The following ANXA4 variants were observed in gnomAD, a reference collection of about 807,000 sequenced individuals.
The protein encoded by ANXA4 is 35-beta calcimedin.
In ANXA4, 39 loss-of-function variants were observed where a neutral mutation model predicts 49.8. That is an observed-to-expected ratio of 0.78 (90% CI 0.61 to 1.02). ANXA4 has a LOEUF of 1.02. Ranked by LOEUF, ANXA4 falls within the 50% of genes least tolerant of loss-of-function variation. The pLI is 0.00. For missense variants in ANXA4, 360 were observed against 410.1 expected (o/e 0.88, Z 1.05); for synonymous variants, 134 against 152.5 (o/e 0.88, Z 0.89).
chr2:69,666,145 A>G (rs1167122809), intron 2 of ANXA4, among the ~76,000 whole-genome samples: 3 of 152,218 alleles, frequency 2.0e-5, no homozygotes, highest in Non-Finnish European at 2.9e-5. Context: ...CAGAGGTTGC[A>G]GTGAGCCAAG....
intron 3 of ANXA4, among the ~76,000 whole-genome samples, chr2:69,791,596 C>T (rs1036175400): frequency 2.6e-5 from 4 of 152,088 alleles, no homozygotes; most frequent in East Asian, 1.9e-4. Context: ...AAGGATTAGC[C>T]GTGTTCTAAG....
rs142551244 is a variant in ANXA4, at chr2:69,806,471, C to T, written c.279C>T (p.Asp93=). The part of the protein sequence containing the change: ...VGMMTPTVLY[D]VQELRRAMKG... Reference sequence around the variant, plus strand: ...TGATGACGCCCACGGTGCTGTATGACGTGCAAGAGCTGCGAAGGGCCATGA... The same window carrying T: ...TGATGACGCCCACGGTGCTGTATGATGTGCAAGAGCTGCGAAGGGCCATGA... The change falls in exon 5 of 13, where the codon GAC becomes GAT. Residue 93 remains aspartate (D), a synonymous_variant. Transcript: ENST00000394295. 333 of 1,614,114 alleles carry T rather than the reference C, an allele frequency of 2.1e-4. 1 individual carries two copies. The Middle Eastern group carries it at 3.3e-3, about 16-fold the overall frequency.
intron 1 of ANXA4, among the ~76,000 whole-genome samples, chr2:69,773,513 T>C (rs1372681791): frequency 6.6e-6 from 1 of 152,106 alleles, no homozygotes; most frequent in Non-Finnish European, 1.5e-5. Flanking sequence ...GACCAAGGAC[T>C]GGCTAAGATC....
At chr2:69,676,479 G>A (rs1441394037) in intron 2 of ANXA4, among the ~76,000 whole-genome samples, 1 of 152,096 alleles carries the variant, frequency 6.6e-6, no homozygotes, top group East Asian at 1.9e-4. Flanking sequence ...ATGTTATATT[G>A]TATTTGAATT....
chr2:69,651,308 T>C (rs564393663), intron 1 of ANXA4, among the ~76,000 whole-genome samples: 92 of 152,234 alleles, frequency 6.0e-4, no homozygotes, highest in African/African-American at 2.2e-3. Flanking sequence ...GAACTTGAGG[T>C]TGCAGTAAAC....
chr2:69,656,247 A>G (rs896448056), intron 2 of ANXA4, among the ~76,000 whole-genome samples: 8 of 125,318 alleles, frequency 6.4e-5, no homozygotes, highest in Admixed American at 4.2e-4. Flanking sequence ...ATACGTATAT[A>G]TATGTATATA....
intron 1 of ANXA4, among the ~76,000 whole-genome samples, chr2:69,743,753 C>G (rs1480663285): frequency 2.6e-5 from 4 of 152,182 alleles, no homozygotes; most frequent in Admixed American, 2.6e-4. Flanking sequence ...CAGGCACAGA[C>G]ACACAACTAC....
chr2:69,753,255 C>T (rs112987875), intron 1 of ANXA4, among the ~76,000 whole-genome samples: 16 of 152,064 alleles, frequency 1.1e-4, no homozygotes, highest in South Asian at 2.1e-4. Flanking sequence ...GCACACATAG[C>T]GAGTGGCAGT....
In ANXA4 at chr2:69,714,339, C is replaced by T. The variant is rs182209669; in HGVS notation, n.767-6435C>T. On this transcript the variant is annotated intron_variant and non_coding_transcript_variant, in intron 2 of 3. Transcript: ENST00000418066. ...CAGTTTCCGGAAGGGAGGAAGGATGCGGTGAGGACCAAATGCATCCATGCA... is the reference window on the plus strand; with the variant it reads ...CAGTTTCCGGAAGGGAGGAAGGATGTGGTGAGGACCAAATGCATCCATGCA... Among the ~76,000 whole-genome samples, 168 of 142,174 alleles carry T rather than the reference C, an allele frequency of 1.2e-3. 1 individual carries two copies. Among genetic ancestry groups the T allele is most frequent in the South Asian group, 3.6e-3 (14 of 3,838 alleles). 93.3% of individuals were successfully genotyped at this position (142,174 alleles called of 152,430 possible).
At chr2:69,799,304 C>T (rs950223406) in intron 3 of ANXA4, among the ~76,000 whole-genome samples, 1 of 152,020 alleles carries the variant, frequency 6.6e-6, no homozygotes, top group African/African-American at 2.4e-5. Context: ...TCTTAGTGCA[C>T]CTAAAGGGAA....
chr2:69,742,352 G>A (rs1670429690), intron 1 of ANXA4, among the ~76,000 whole-genome samples, 177 bp downstream of exon 1: 1 of 152,138 alleles, frequency 6.6e-6, no homozygotes, highest in Non-Finnish European at 1.5e-5. Flanking sequence ...GCGGGCCCTG[G>A]ACTCGCTCCG....
At position 69,781,281 on chromosome 2, in the gene ANXA4, T is replaced by A. The variant is rs1197698055; in HGVS notation, c.-46-239T>A. ...ATAGGAATCCTTTCTGTAGTGTGTA[T>A]CTCCAAACAGAAGAACAGGTGGGAA... On this transcript the variant is annotated intron_variant, in intron 1 of 12. Coordinates refer to ENST00000394295, the MANE Select transcript of ANXA4 (RefSeq NM_001153.5). 11 of 561,154 alleles carry A rather than the reference T, an allele frequency of 2.0e-5. No individual in the cohort carries two copies. The East Asian group carries it at 3.3e-4, about 17-fold the overall frequency. The allele number at this position is 561,154 out of a possible 1,614,324, so 34.8% of individuals were successfully genotyped here. A position where few individuals can be genotyped will look rare whatever the true frequency, so the allele number is the denominator to read the frequency against.
intron 1 of ANXA4, among the ~76,000 whole-genome samples, chr2:69,765,075 T>TAC (rs61370033): frequency 0.024 from 3,528 of 150,060 alleles, 55 homozygotes; most frequent in East Asian, 0.086. Flanking sequence ...TATATGTGTA[T>TAC]ACACACACAC....
At chr2:69,762,923 T>C (rs1283853741) in intron 1 of ANXA4, among the ~76,000 whole-genome samples, 2 of 152,164 alleles carry the variant, frequency 1.3e-5, no homozygotes, top group Non-Finnish European at 2.9e-5. Flanking sequence ...CAGCTCCATC[T>C]GCCGTAAGTC....
At chr2:69,775,141 T>C (rs1671912548) in intron 1 of ANXA4, among the ~76,000 whole-genome samples, 1 of 152,198 alleles carries the variant, frequency 6.6e-6, no homozygotes, top group African/African-American at 2.4e-5. Flanking sequence ...TGGTTTGCCT[T>C]CCACCCCACA....
At chr2:69,705,802 G>A (rs1420908766) in intron 2 of ANXA4, among the ~76,000 whole-genome samples, 1 of 151,832 alleles carries the variant, frequency 6.6e-6, no homozygotes, top group Non-Finnish European at 1.5e-5. Context: ...CCTGGTGCCG[G>A]GCACCTGTAG....
chr2:69,718,907 G>A lies in ANXA4; in HGVS notation n.767-1867G>A, dbSNP rs140556996. ...ATACACACACATGCATACACAGCAT[G>A]GCCTCTGCTTGTCCTTCCAGAGTCT... On this transcript the variant is annotated intron_variant and non_coding_transcript_variant, in intron 2 of 3. Coordinates refer to the ANXA4 transcript ENST00000418066. Among the ~76,000 whole-genome samples, 207 of 151,910 alleles carry A rather than the reference G, an allele frequency of 1.4e-3. 1 individual carries two copies. Among genetic ancestry groups the A allele is most frequent in the African/African-American group, 4.8e-3 (198 of 41,400 alleles).
chr2:69,687,076 A>G (rs549662657), intron 2 of ANXA4, among the ~76,000 whole-genome samples: 94 of 152,374 alleles, frequency 6.2e-4, no homozygotes, highest in African/African-American at 2.3e-3. Flanking sequence ...AGACACTTGC[A>G]TGAGCGGTGA....
chr2:69,741,705 T>A (rs952937545), upstream of ANXA4, among the ~76,000 whole-genome samples: 1 of 152,238 alleles, frequency 6.6e-6, no homozygotes, highest in African/African-American at 2.4e-5. Context: ...GGACTCCGGC[T>A]TGGCGCGGAG....
Sources: allele counts gnomAD v4.1 joint callset (sites outside exome capture counted in the v4.1 genomes callset), GRCh38; gene constraint gnomAD v4.1.1; transcripts MANE v1.5; gene names NCBI Gene and HGNC (gene_info 2026-07-23, HGNC 2026-07-21).